Variants in CCR7 observed in about 807,000 individuals in gnomAD.
CCR7 encodes the protein C-C chemokine receptor type 7.
CCR7 carries 11 observed loss-of-function variants against 26.0 expected under a neutral mutation model. The observed-to-expected ratio is 0.42, with a 90% CI of 0.27 to 0.70. The LOEUF is 0.70. CCR7 is among the 30% of genes least tolerant of loss of function. The pLI is 0.23. For missense variants in CCR7, 360 were observed against 504.0 expected (o/e 0.71, Z 2.74); for synonymous variants, 189 against 202.1 (o/e 0.94, Z 0.55).
At chr17:40,562,396 G>A (rs2036664417) in intron 1 of CCR7, among the ~76,000 whole-genome samples, 1 of 152,076 alleles carries the variant, frequency 6.6e-6, no homozygotes, top group African/African-American at 2.4e-5. Flanking sequence ...CTGCATCTAG[G>A]ACGCTCCACG....
In CCR7 at chr17:40,555,907, T is replaced by C. The variant is rs541799996; in HGVS notation, c.61-89A>G. On this transcript the variant is annotated intron_variant, in intron 2 of 2. Coordinates refer to ENST00000246657, the MANE Select transcript of CCR7 (RefSeq NM_001838.4). The surrounding 1 kb of genome is among the most constrained non-coding windows in gnomAD (Gnocchi z 5.6). ...ATTTAGCCTAGAGCAGTGGTTTCTT[T>C]CTTTTTTTTTTTTCTTGAGACATGG... 2.1e-5 allele frequency: 19 copies of C among 894,192 alleles called. No individual in the cohort carries two copies. The highest frequency in any genetic ancestry group is 1.2e-4 in the Admixed American group (5 of 41,868). 55.4% of individuals were successfully genotyped at this position (894,192 alleles called of 1,614,324 possible). A position where few individuals can be genotyped will look rare whatever the true frequency, so the allele number is the denominator to read the frequency against.
intron 2 of CCR7, among the ~76,000 whole-genome samples, chr17:40,557,557 T>TG (rs768857273): frequency 1.6e-4 from 25 of 152,338 alleles, no homozygotes; most frequent in Middle Eastern, 3.4e-3. Flanking sequence ...TTCCCTTTCC[T>TG]GGGCATGGCT....
At chr17:40,563,372 C>T (rs1386461407) in intron 1 of CCR7, among the ~76,000 whole-genome samples, 1 of 152,200 alleles carries the variant, frequency 6.6e-6, no homozygotes, top group Non-Finnish European at 1.5e-5. Context: ...GTGAGGCACA[C>T]ATCTCTCATG....
At chr17:40,559,104 C>T (rs2036625973) in intron 1 of CCR7, among the ~76,000 whole-genome samples, 162 bp from the exon 2 acceptor site, 2 of 152,226 alleles carry the variant, frequency 1.3e-5, no homozygotes, top group South Asian at 4.1e-4. Flanking sequence ...CTTTGAACAC[C>T]TGGCCTGCTG....
chr17:40,561,909 C>G (rs942279648), intron 1 of CCR7, among the ~76,000 whole-genome samples: 4 of 152,094 alleles, frequency 2.6e-5, no homozygotes, highest in Non-Finnish European at 5.9e-5. Flanking sequence ...GCCTGGTAGA[C>G]CTTGCATTTT....
intron 1 of CCR7, among the ~76,000 whole-genome samples, chr17:40,560,128 CT>C (rs1263155654): frequency 6.6e-6 from 1 of 152,180 alleles, no homozygotes; most frequent in Non-Finnish European, 1.5e-5. Flanking sequence ...GTGGCTGAGC[CT>C]GGGGCCCAGC....
chr17:40,556,390 G>A (rs1290629018), intron 2 of CCR7, among the ~76,000 whole-genome samples: 1 of 152,210 alleles, frequency 6.6e-6, no homozygotes, highest in Non-Finnish European at 1.5e-5. Flanking sequence ...TGGGGCCTGA[G>A]ATTCTACAGT....
In CCR7 at chr17:40,556,352, A is replaced by C. The variant is rs556897029; in HGVS notation, c.61-534T>G. Among the ~76,000 whole-genome samples, 4 of 152,274 alleles carry C rather than the reference A, an allele frequency of 2.6e-5. No homozygotes were observed. The East Asian group carries it at 5.8e-4, about 22-fold the overall frequency. On this transcript the variant is annotated intron_variant, in intron 2 of 2. Transcript: ENST00000246657. ...GCATCACCTGATTAATCCTGTGAAC[A>C]TGTCTATCCTGAATCAGTAGGCTAA...
intron 2 of CCR7, among the ~76,000 whole-genome samples, chr17:40,556,946 C>T (rs2036593224): frequency 6.6e-6 from 1 of 152,156 alleles, no homozygotes; most frequent in Admixed American, 6.5e-5. Context: ...CCAGCAGGAG[C>T]TCAGGCAACG....
rs1189789925 is a variant in CCR7, at chr17:40,555,360, G to A, written c.519C>T (p.Leu173=). 7 of 1,614,202 alleles carry A rather than the reference G, an allele frequency of 4.3e-6. 1 individual carries two copies. The highest frequency in any genetic ancestry group is 1.7e-6 in the Non-Finnish European group (2 of 1,180,050). The change falls in exon 3 of 3, where the codon CTC becomes CTT. Residue 173 remains leucine, a synonymous_variant. Coordinates refer to ENST00000246657, the MANE Select transcript of CCR7 (RefSeq NM_001838.4). The surrounding 1 kb of genome is among the most constrained non-coding windows in gnomAD (Gnocchi z 5.6). The stretch of plus-strand genomic sequence containing the variant: ...TGCCCACACAGGACAGCTTGCTGAT[G>A]AGAAGGACGCGGGCACGGTGGCGGT... The part of the protein sequence containing the change: ...SAHRHRARVL[L]ISKLSCVGIW...
intron 1 of CCR7, chr17:40,560,890 C>T (rs1049475720): frequency 6.6e-6 from 1 of 152,260 alleles, no homozygotes; most frequent in Non-Finnish European, 1.5e-5. Flanking sequence ...AACAGAGCTC[C>T]CCACCGCTCA....
At chr17:40,558,511 C>T (rs1334144387) in intron 2 of CCR7, among the ~76,000 whole-genome samples, 1 of 152,162 alleles carries the variant, frequency 6.6e-6, no homozygotes, top group African/African-American at 2.4e-5. Flanking sequence ...AACAAGATCG[C>T]CAGATCCAGG....
chr17:40,555,657 C>T lies in CCR7; in HGVS notation c.222G>A (p.Leu74=). The T allele has an allele frequency of 6.2e-7, 1 of 1,614,150 alleles. No individual in the cohort carries two copies. Among genetic ancestry groups the T allele is most frequent in the Non-Finnish European group, 8.5e-7 (1 of 1,180,034 alleles). Residue 74 remains leucine (L), a synonymous_variant, in exon 3 of 3, where the codon CTG becomes CTA. Coordinates refer to ENST00000246657, the MANE Select transcript of CCR7 (RefSeq NM_001838.4). The surrounding 1 kb of genome is among the most constrained non-coding windows in gnomAD (Gnocchi z 5.6). ...MYSIICFVGL[L]GNGLVVLTYI... ...AGGTCAACACGACCAGCCCATTGCC[C>T]AGTAGGCCCACGAAACAAATGATGG...
At chr17:40,558,536 A>G (rs533632178) in intron 2 of CCR7, among the ~76,000 whole-genome samples, 1 of 152,336 alleles carries the variant, frequency 6.6e-6, no homozygotes, top group East Asian at 1.9e-4. Context: ...TTTTCTCAGC[A>G]CACGTGCACA....
Position 40,554,545 on chromosome 17 carries a change from T to C in CCR7, c.*197A>G. 1 of 623,460 alleles carries C rather than the reference T, an allele frequency of 1.6e-6. No homozygotes were observed. The highest frequency in any genetic ancestry group is 2.8e-6 in the Non-Finnish European group (1 of 351,362). 38.6% of individuals were successfully genotyped at this position (623,460 alleles called of 1,614,324 possible). A position where few individuals can be genotyped will look rare whatever the true frequency, so the allele number is the denominator to read the frequency against. On this transcript the variant is annotated 3_prime_UTR_variant, in exon 3 of 3. Transcript: ENST00000246657. Reference sequence around the variant, plus strand: ...GTCTGGTGTTAGCTTATCAGCCCTGTCTTTTTTTGGCATTGGTTGAGGTAG... The same window carrying C: ...GTCTGGTGTTAGCTTATCAGCCCTGCCTTTTTTTGGCATTGGTTGAGGTAG...
At chr17:40,565,015 C>T (rs2036694002) in intron 1 of CCR7, among the ~76,000 whole-genome samples, 1 of 152,094 alleles carries the variant, frequency 6.6e-6, no homozygotes, top group South Asian at 2.1e-4. Context: ...GAGAATTTCT[C>T]TGTTGAAACC....
rs1299125651 is a variant in CCR7, at chr17:40,554,925, G to C, written c.954C>G (p.Arg318=). ...CGTACAAGAAAGGGTTGACGCAGCA[G>C]CGGACGCAGGCCAGGCTGTAGGTGA... ...YDVTYSLACV[R]CCVNPFLYAF... Residue 318 remains arginine (R), a synonymous_variant, in exon 3 of 3, where the codon CGC becomes CGG. Coordinates refer to ENST00000246657, the MANE Select transcript of CCR7 (RefSeq NM_001838.4). 2.5e-6 allele frequency: 4 copies of C among 1,614,124 alleles called. No individual in the cohort carries two copies. The South Asian group carries it at 4.4e-5, about 18-fold the overall frequency.
intron 1 of CCR7, among the ~76,000 whole-genome samples, chr17:40,561,883 G>T (rs2036659428): frequency 6.6e-6 from 1 of 152,086 alleles, no homozygotes; most frequent in South Asian, 2.1e-4. Context: ...CAGACAGTAG[G>T]CAGGGATGGG....
rs932569620 is a variant in CCR7, at chr17:40,554,216, C to T, written c.*526G>A. 2.6e-5 allele frequency: 4 copies of T among 152,972 alleles called. No individual in the cohort carries two copies. Among genetic ancestry groups the T allele is most frequent in the Non-Finnish European group, 5.8e-5 (4 of 68,694 alleles). 9.5% of individuals were successfully genotyped at this position (152,972 alleles called of 1,614,324 possible). On this transcript the variant is annotated 3_prime_UTR_variant, in exon 3 of 3. Transcript: ENST00000246657. The stretch of plus-strand genomic sequence containing the variant: ...CTGGCTTGGAGGACAGTGAAGAAAA[C>T]GATGGAGGGAGGGGTTCAGAGAGTT...
Sources: gnomAD v4.1 joint callset for allele counts (sites outside exome capture counted in the v4.1 genomes callset) on GRCh38, gnomAD v4.1.1 for gene constraint, Gnocchi (gnomAD v3.1) non-coding constraint, MANE v1.5 for transcripts, NCBI Gene and HGNC (gene_info 2026-07-23, HGNC 2026-07-21) for gene names.